The following BIRC6 variants were observed in gnomAD, a reference collection of about 807,000 sequenced individuals.
BIRC6 encodes the protein baculoviral IAP repeat containing 6, also known as dual E2 ubiquitin-conjugating enzyme/E3 ubiquitin-protein ligase BIRC6.
A neutral mutation model predicts 503.3 loss-of-function variants in BIRC6; 98 were observed. The ratio of observed to expected loss-of-function variants is 0.19; its 90% CI spans 0.17 to 0.23. The LOEUF (loss-of-function observed/expected upper bound fraction) is 0.23, where lower values mean the gene tolerates loss of function less well. Ranked by LOEUF, BIRC6 falls within the 10% of genes least tolerant of loss-of-function variation. The pLI, the probability that BIRC6 is intolerant of heterozygous loss-of-function variation, is 1.00. For missense variants in BIRC6, 5,360 were observed against 5,806.0 expected (o/e 0.92, Z 2.50); for synonymous variants, 2,240 against 2,078.7 (o/e 1.08, Z -2.11).
chr2:32,565,207 A>G (rs904662548), intron 65 of BIRC6: 1 of 152,206 alleles, frequency 6.6e-6, no homozygotes, highest in Admixed American at 6.5e-5. Flanking sequence ...ATGTTTTAGA[A>G]CCTTACAGTG....
intron 66 of BIRC6, among the ~76,000 whole-genome samples, chr2:32,578,179 T>C (rs1288902021): frequency 6.6e-6 from 1 of 152,188 alleles, no homozygotes; most frequent in Non-Finnish European, 1.5e-5. Context: ...ATATAGAGAA[T>C]TCATTTTCAG....
intron 66 of BIRC6, among the ~76,000 whole-genome samples, chr2:32,586,366 G>A (rs1014376300): frequency 5.4e-5 from 8 of 147,532 alleles, no homozygotes; most frequent in African/African-American, 2.0e-4. Context: ...CATTATATGA[G>A]CTTTATGTTT....
At chr2:32,384,180 G>T (rs992793947) in intron 3 of BIRC6, among the ~76,000 whole-genome samples, 4 of 152,200 alleles carry the variant, frequency 2.6e-5, no homozygotes, top group Non-Finnish European at 4.4e-5. Context: ...AAATATAATA[G>T]TGGGCATGCC....
chr2:32,616,988 T>G (rs1265437704), intron 73 of BIRC6, among the ~76,000 whole-genome samples: 1 of 152,082 alleles, frequency 6.6e-6, no homozygotes, highest in Admixed American at 6.6e-5. Flanking sequence ...CCCAACTACT[T>G]GGGAGGCTGA....
chr2:32,372,050 C>T (rs1326965222), intron 1 of BIRC6, among the ~76,000 whole-genome samples: 15 of 152,096 alleles, frequency 9.9e-5, no homozygotes, highest in Non-Finnish European at 1.8e-4. Context: ...AGTGATCCGC[C>T]CGCCTCGGCC....
chr2:32,392,295 C>A, intron 5 of BIRC6, 145 bp downstream of exon 5: 1 of 614,760 alleles, frequency 1.6e-6, no homozygotes, highest in Non-Finnish European at 2.8e-6. Context: ...TTTTTTTGGC[C>A]CAGGCTGGAG....
intron 68 of BIRC6, among the ~76,000 whole-genome samples, chr2:32,596,316 T>A (rs1316170448): frequency 6.6e-6 from 1 of 151,424 alleles, no homozygotes; most frequent in Non-Finnish European, 1.5e-5. Flanking sequence ...TCCATCTCTA[T>A]TAAAAATACA....
intron 53 of BIRC6, among the ~76,000 whole-genome samples, chr2:32,511,071 G>A (rs541304671): frequency 6.6e-6 from 1 of 151,890 alleles, no homozygotes; most frequent in African/African-American, 2.4e-5. Context: ...ATTGATTATC[G>A]TATTCATCGA....
chr2:32,477,378 A>T lies in BIRC6; in HGVS notation c.6863A>T (p.Asp2288Val). ...LKQATSKHFK[D>V]LIRLRRTAEW... The stretch of plus-strand genomic sequence containing the variant: ...CATTTTTGTGTGCAGCACTTTAAGG[A>T]TTTAATTCGTTTACGTCGGACAGCA... The change falls in exon 35 of 74, where the codon GAT (aspartate) becomes GTT (valine). Residue 2288 changes from aspartate (D) to valine (V), a missense_variant. Coordinates refer to ENST00000421745, the MANE Select transcript of BIRC6 (RefSeq NM_016252.4). 1 of 1,613,880 alleles carries T rather than the reference A, an allele frequency of 6.2e-7. No individual in the cohort carries two copies. The highest frequency in any genetic ancestry group is 8.5e-7 in the Non-Finnish European group (1 of 1,179,850).
At chr2:32,454,901 T>C (rs1386523385) in intron 23 of BIRC6, among the ~76,000 whole-genome samples, 1 of 152,224 alleles carries the variant, frequency 6.6e-6, no homozygotes, top group Non-Finnish European at 1.5e-5. Context: ...AAACCTAATA[T>C]TTCCTTTATA....
At chr2:32,602,418 C>T (rs1326518821) in intron 70 of BIRC6, 2 of 151,942 alleles carry the variant, frequency 1.3e-5, no homozygotes, top group Non-Finnish European at 2.9e-5. Context: ...AATAGTGGTA[C>T]TAAAGCTGGG....
intron 3 of BIRC6, among the ~76,000 whole-genome samples, chr2:32,387,368 T>C (rs748700989): frequency 1.3e-5 from 2 of 151,362 alleles, no homozygotes; most frequent in Non-Finnish European, 2.9e-5. Context: ...CAGTATTGTA[T>C]AGATAAATAA....
At chr2:32,398,566 A>C (rs1444416265) in intron 6 of BIRC6, among the ~76,000 whole-genome samples, 1 of 152,136 alleles carries the variant, frequency 6.6e-6, no homozygotes, top group African/African-American at 2.4e-5. Context: ...ACATACTTCC[A>C]CATCATGTAT....
chr2:32,445,208 A>G (rs1421379373), intron 20 of BIRC6, among the ~76,000 whole-genome samples: 1 of 152,228 alleles, frequency 6.6e-6, no homozygotes, highest in African/African-American at 2.4e-5. Context: ...AGTGTCCCTC[A>G]GAGGCATCTC....
In BIRC6 at chr2:32,380,119, T is replaced by C. The variant is rs138428564; in HGVS notation, c.508-34T>C. On this transcript the variant is annotated intron_variant, in intron 2 of 73. Coordinates refer to ENST00000421745, the MANE Select transcript of BIRC6 (RefSeq NM_016252.4). ...TTTTTGTTGTTCTTGTGTTGAATTT[T>C]CTGTGATTTTTTTATTTTTTATTTT... The C allele has an allele frequency of 9.6e-4, 1,353 of 1,414,792 alleles. 2 individuals carry two copies. The highest frequency in any genetic ancestry group is 1.1e-3 in the Non-Finnish European group (1,149 of 1,068,048). 87.6% of individuals were successfully genotyped at this position (1,414,792 alleles called of 1,614,324 possible).
chr2:32,519,709 A>G (rs2055434058), intron 57 of BIRC6, among the ~76,000 whole-genome samples: 1 of 151,872 alleles, frequency 6.6e-6, no homozygotes, highest in Non-Finnish European at 1.5e-5. Flanking sequence ...GTAGAGACTG[A>G]TTTTCACCAT....
rs1332279489 is a variant in BIRC6 at position 32,394,983 on chromosome 2, TAC to T, written c.952-527_952-526del. On this transcript the variant is annotated intron_variant, in intron 5 of 73. Coordinates refer to ENST00000421745, the MANE Select transcript of BIRC6 (RefSeq NM_016252.4). ...GGCTAACACGGTGAAACCCCATCTCTACTAAAAATACAAAAAAAATTAGCTGG... is the reference window on the plus strand; with the variant it reads ...GGCTAACACGGTGAAACCCCATCTCTTAAAAATACAAAAAAAATTAGCTGG... 1.5e-4 allele frequency among the ~76,000 whole-genome samples: 23 copies of T among 152,256 alleles called. 1 individual carries two copies. Among genetic ancestry groups the T allele is most frequent in the Non-Finnish European group, 1.8e-4 (12 of 68,014 alleles).
Position 32,470,181 on chromosome 2 carries a change from C to T in BIRC6, c.6361C>T (p.Leu2121Phe). The T allele has an allele frequency of 6.5e-7, 1 of 1,544,554 alleles. No individual in the cohort carries two copies. The highest frequency in any genetic ancestry group is 8.7e-7 in the Non-Finnish European group (1 of 1,147,398). The change falls in exon 31 of 74, where the codon CTT (leucine) becomes TTT (phenylalanine). Residue 2121 changes from leucine to phenylalanine, a missense_variant. Around this residue, in one of 16 missense-constraint regions of BIRC6, gnomAD observed 2,299 missense variants for 2,267.2 expected, o/e 1.01. Transcript: ENST00000421745. ...IFPQDRVFML[L>F]SCIGQRSLSN... ...TTTTGTTTTTAGGGTCTTCATGTTACTTTCCTGCATTGGTCAAAGATCACT... is the reference window on the plus strand; with the variant it reads ...TTTTGTTTTTAGGGTCTTCATGTTATTTTCCTGCATTGGTCAAAGATCACT...
At position 32,476,334 on chromosome 2, in the gene BIRC6, C is replaced by A; in HGVS notation, c.6842C>A (p.Ala2281Asp). ...LLVEQAKLKQ[A>D]TSKHFKDLIR... ...GTAGAACAAGCAAAACTAAAGCAGG[C>A]CACTTCAAAGGTATGATCTATACTT... is the stretch of plus-strand genomic sequence containing the variant. The change falls in exon 34 of 74, where the codon GCC (alanine) becomes GAC (aspartate). Residue 2281 changes from alanine to aspartate, a missense_variant. Around this residue, in one of 16 missense-constraint regions of BIRC6, gnomAD observed 2,299 missense variants for 2,267.2 expected, o/e 1.01. Coordinates refer to ENST00000421745, the MANE Select transcript of BIRC6 (RefSeq NM_016252.4). 1.9e-6 allele frequency: 3 copies of A among 1,577,330 alleles called. No individual in the cohort carries two copies. The highest frequency in any genetic ancestry group is 2.6e-6 in the Non-Finnish European group (3 of 1,160,146).
Sources: allele counts gnomAD v4.1 joint callset (sites outside exome capture counted in the v4.1 genomes callset), GRCh38; gene constraint gnomAD v4.1.1; regional missense constraint gnomAD v4.1.1; transcripts MANE v1.5; gene names NCBI Gene and HGNC (gene_info 2026-07-23, HGNC 2026-07-21).